The following NCOA2 variants were observed in gnomAD, a reference collection of about 807,000 sequenced individuals.
NCOA2 encodes class E basic helix-loop-helix protein 75.
Under a neutral mutation model 145.1 loss-of-function variants are expected in NCOA2, and 21 were observed. That is an observed-to-expected ratio of 0.14 (90% CI 0.10 to 0.21). The LOEUF (loss-of-function observed/expected upper bound fraction) is 0.21, where lower values mean the gene tolerates loss of function less well. Ranked by LOEUF, NCOA2 falls within the 10% of genes least tolerant of loss-of-function variation. The pLI, the probability that NCOA2 is intolerant of heterozygous loss-of-function variation, is 1.00. For synonymous variants in NCOA2, 619 were observed against 637.5 expected (o/e 0.97, Z 0.44); for missense variants, 1,472 against 1,837.6 (o/e 0.80, Z 3.64).
At chr8:70,130,212 C>T (rs1487586697) in intron 16 of NCOA2, among the ~76,000 whole-genome samples, 1 of 152,204 alleles carries the variant, frequency 6.6e-6, no homozygotes, top group Non-Finnish European at 1.5e-5. Context: ...AGAACTTTAA[C>T]ATGAATACGA....
At chr8:70,402,877 C>T (rs1215805763) in intron 1 of NCOA2, among the ~76,000 whole-genome samples, 26 of 146,346 alleles carry the variant, frequency 1.8e-4, no homozygotes, top group African/African-American at 5.2e-4. Flanking sequence ...GCCCGGCCCC[C>T]GGCTCCCCGC....
chr8:70,227,142 G>C (rs893269793), intron 2 of NCOA2, among the ~76,000 whole-genome samples: 1 of 152,184 alleles, frequency 6.6e-6, no homozygotes, highest in Non-Finnish European at 1.5e-5. Flanking sequence ...CTCCAGGCAG[G>C]CTCATGCTGC....
chr8:70,220,235 C>T (rs1484477994), intron 2 of NCOA2, among the ~76,000 whole-genome samples: 1 of 152,170 alleles, frequency 6.6e-6, no homozygotes, highest in Non-Finnish European at 1.5e-5. Flanking sequence ...TTTCTGCACA[C>T]TCACATGAAA....
chr8:70,157,052 A>G lies in NCOA2; in HGVS notation c.1313T>C (p.Met438Thr). 6.2e-7 allele frequency: 1 copy of G among 1,614,036 alleles called. No homozygotes were observed. The highest frequency in any genetic ancestry group is 8.5e-7 in the Non-Finnish European group (1 of 1,179,886). Residue 438 changes from methionine (M) to threonine (T), a missense_variant, in exon 11 of 23, where the codon ATG (methionine) becomes ACG (threonine). Met to Thr is a moderately conservative substitution (Grantham distance 81). This residue lies in a region of NCOA2 where 953 missense variants were observed against 1,062.1 expected (regional missense o/e 0.90). Transcript: ENST00000452400. ...TCCCCCAGAACCACCAAACCTGCCC[A>G]TGGGCATGCCCATTTGTTCCTTTGG... ...NGPKEQMGMP[M>T]GRFGGSGGMN... is the part of the protein sequence containing the mutation.
intron 1 of NCOA2, among the ~76,000 whole-genome samples, chr8:70,330,542 G>A (rs1027480155): frequency 2.0e-5 from 3 of 148,868 alleles, no homozygotes; most frequent in Non-Finnish European, 4.4e-5. Context: ...CTGCACTCCA[G>A]CCTGAGTGAC....
At chr8:70,288,414 C>T (rs1826405910) in intron 2 of NCOA2, among the ~76,000 whole-genome samples, 1 of 151,926 alleles carries the variant, frequency 6.6e-6, no homozygotes, top group African/African-American at 2.4e-5. Context: ...CCCATCTCTA[C>T]TAAAAATACA....
At chr8:70,287,954 G>A (rs561174785) in intron 2 of NCOA2, among the ~76,000 whole-genome samples, 2 of 152,170 alleles carry the variant, frequency 1.3e-5, no homozygotes, top group East Asian at 3.9e-4. Context: ...TTTGTTTTAA[G>A]AGAACCAAGT....
intron 1 of NCOA2, among the ~76,000 whole-genome samples, chr8:70,372,224 A>T (rs1277038370): frequency 6.6e-6 from 1 of 152,214 alleles, no homozygotes; most frequent in African/African-American, 2.4e-5. Context: ...TATTTCTGGA[A>T]ACCAGATTCT....
chr8:70,348,695 C>T (rs1486981995), intron 1 of NCOA2, among the ~76,000 whole-genome samples: 1 of 152,148 alleles, frequency 6.6e-6, no homozygotes, highest in Non-Finnish European at 1.5e-5. Flanking sequence ...GAATGACTGA[C>T]ATTTTGAGCC....
chr8:70,273,375 T>C (rs1825217334), intron 2 of NCOA2: 1 of 699,952 alleles, frequency 1.4e-6, no homozygotes, highest in Non-Finnish European at 2.2e-6. Context: ...TGCGACAAGA[T>C]GAAAGAAACA....
intron 4 of NCOA2, among the ~76,000 whole-genome samples, chr8:70,196,490 G>A (rs1208131832): frequency 6.6e-6 from 1 of 152,200 alleles, no homozygotes; most frequent in Non-Finnish European, 1.5e-5. Context: ...AGAACATACA[G>A]GACCCTGGAT....
At chr8:70,313,952 T>C (rs968336357) in intron 1 of NCOA2, among the ~76,000 whole-genome samples, 1 of 151,760 alleles carries the variant, frequency 6.6e-6, no homozygotes, top group Non-Finnish European at 1.5e-5. Context: ...GGGCGGATCA[T>C]GAGGTCAGGA....
At chr8:70,339,872 G>C (rs1419525419) in intron 1 of NCOA2, among the ~76,000 whole-genome samples, 1 of 152,120 alleles carries the variant, frequency 6.6e-6, no homozygotes, top group Non-Finnish European at 1.5e-5. Context: ...GGTGCTGGGA[G>C]AACTGGCTAG....
At chr8:70,351,696 CT>C (rs1482467960) in intron 1 of NCOA2, among the ~76,000 whole-genome samples, 1 of 150,992 alleles carries the variant, frequency 6.6e-6, no homozygotes, top group African/African-American at 2.4e-5. Context: ...AGCAATCCCC[CT>C]ACCTCAGCCT....
intron 1 of NCOA2, among the ~76,000 whole-genome samples, chr8:70,319,089 T>G (rs1486940450): frequency 6.6e-6 from 1 of 152,138 alleles, no homozygotes; most frequent in Non-Finnish European, 1.5e-5. Flanking sequence ...CAAGTACAAA[T>G]TTAGGGTTGC....
chr8:70,170,313 T>C lies in NCOA2; in HGVS notation c.430A>G (p.Thr144Ala), dbSNP rs1351265796. ...TCTTGGTTATACCTTAGATACTGTGTCACATTCTCTGACACAAACACAACG... is the reference window on the plus strand; with the variant it reads ...TCTTGGTTATACCTTAGATACTGTGCCACATTCTCTGACACAAACACAACG... ...GNVVFVSENV[T>A]QYLRYNQEEL... The change falls in exon 6 of 23, where the codon ACA becomes GCA. Residue 144 changes from threonine to alanine, a missense_variant. Thr to Ala is a moderately conservative substitution (Grantham distance 58). Transcript: ENST00000452400. 1.9e-6 allele frequency: 3 copies of C among 1,608,282 alleles called. No individual in the cohort carries two copies. Among genetic ancestry groups the C allele is most frequent in the Non-Finnish European group, 2.5e-6 (3 of 1,177,216 alleles).
intron 2 of NCOA2, among the ~76,000 whole-genome samples, chr8:70,265,266 G>C (rs1020369846): frequency 6.6e-6 from 1 of 152,146 alleles, no homozygotes; most frequent in Non-Finnish European, 1.5e-5. Flanking sequence ...TGCCATGTGA[G>C]GATGCAGCAA....
intron 4 of NCOA2, among the ~76,000 whole-genome samples, chr8:70,201,621 A>G: frequency 6.6e-6 from 1 of 152,228 alleles, no homozygotes; most frequent in East Asian, 1.9e-4. Flanking sequence ...AGAAGAAATG[A>G]ACTAAAATAT....
chr8:70,320,956 T>C (rs1563761177), intron 1 of NCOA2, among the ~76,000 whole-genome samples: 1 of 152,138 alleles, frequency 6.6e-6, no homozygotes, highest in Non-Finnish European at 1.5e-5. Flanking sequence ...TTGAAATCCT[T>C]TTATTATCAC....
Sources: allele counts gnomAD v4.1 joint callset (sites outside exome capture counted in the v4.1 genomes callset), GRCh38; gene constraint gnomAD v4.1.1; regional missense constraint gnomAD v4.1.1; transcripts MANE v1.5; gene names NCBI Gene and HGNC (gene_info 2026-07-23, HGNC 2026-07-21).